The following NUP188 variants were observed in gnomAD, a reference collection of about 807,000 sequenced individuals.
NUP188 encodes nucleoporin 188.
In NUP188, 97 loss-of-function variants were observed where a neutral mutation model predicts 223.0. The observed-to-expected ratio is 0.43, with a 90% CI of 0.37 to 0.51. The LOEUF (loss-of-function observed/expected upper bound fraction) is 0.51, where lower values mean the gene tolerates loss of function less well. Among genes scored for constraint, NUP188 ranks in the 20% least tolerant of loss-of-function variants. The pLI, the probability that NUP188 is intolerant of heterozygous loss-of-function variation, is 0.00. For missense variants in NUP188, 1,947 were observed against 2,175.6 expected (o/e 0.89, Z 2.09); for synonymous variants, 869 against 828.0 (o/e 1.05, Z -0.85).
At chr9:129,001,807 C>T in intron 35 of NUP188, 77 bp from the exon 36 acceptor site, 2 of 1,594,922 alleles carry the variant, frequency 1.3e-6, no homozygotes, top group Admixed American at 3.3e-5. Context: ...AAGCTGTGAT[C>T]TAGCCTGAGA....
chr9:128,992,119 G>T (rs1431897859), intron 25 of NUP188, among the ~76,000 whole-genome samples: 1 of 151,558 alleles, frequency 6.6e-6, no homozygotes, highest in East Asian at 2.0e-4. Flanking sequence ...CCGTGGTCTC[G>T]ATTTCCTGAC....
chr9:128,990,447 G>T (rs1032667246), intron 25 of NUP188, among the ~76,000 whole-genome samples: 5 of 152,094 alleles, frequency 3.3e-5, no homozygotes, highest in African/African-American at 1.2e-4. Context: ...AGGAGAAAAG[G>T]CTGCGTGCGG....
At chr9:128,989,375 T>G (rs1842382828) in intron 24 of NUP188, among the ~76,000 whole-genome samples, 1 of 151,772 alleles carries the variant, frequency 6.6e-6, no homozygotes, top group South Asian at 2.1e-4. Context: ...GCACTCCAGC[T>G]TGGACAACAT....
At chr9:128,961,516 T>C (rs1564551866) in intron 8 of NUP188, among the ~76,000 whole-genome samples, 1 of 148,042 alleles carries the variant, frequency 6.8e-6, no homozygotes, top group South Asian at 2.3e-4. Context: ...GTCTCAAAAA[T>C]AAATAAATAA....
At position 128,970,750 on chromosome 9, in the gene NUP188, C is replaced by G. The variant is rs1322635895; in HGVS notation, c.913-8C>G. On this transcript the variant is annotated splice_polypyrimidine_tract_variant and splice_region_variant and intron_variant, in intron 10 of 43. Transcript: ENST00000372577. ...CGGAGATGTAGATGTGTTTTCTTCT[C>G]TCACTAGGATATGGACTGTTTAATG... is the stretch of plus-strand genomic sequence containing the variant. The G allele has an allele frequency of 6.2e-7, 1 of 1,613,254 alleles. No individual in the cohort carries two copies. The highest frequency in any genetic ancestry group is 2.2e-5 in the East Asian group (1 of 44,874).
At position 128,988,162 on chromosome 9, in the gene NUP188, CT is replaced by C. The variant is rs759981282; in HGVS notation, c.2510del (p.Leu837ArgfsTer19). ...ACCTCCTTCTAATGTGGTGTCCCCCCTGGAACAGGCTCTCTCACAACATGGT... is the reference window on the plus strand; with the variant it reads ...ACCTCCTTCTAATGTGGTGTCCCCCCGGAACAGGCTCTCTCACAACATGGT... Reference protein sequence around the residue: ...LKPPSNVVSPLEQALSQHGAH... With the variant: ...LKPPSNVVSPXEQALSQHGAH... On this transcript the variant is annotated frameshift_variant, in exon 24 of 44. Transcript: ENST00000372577. LOFTEE classifies it high-confidence loss of function. 1.9e-6 allele frequency: 3 copies of C among 1,614,060 alleles called. No homozygotes were observed. Among genetic ancestry groups the C allele is most frequent in the East Asian group, 2.2e-5 (1 of 44,886 alleles).
chr9:128,979,337 T>A lies in NUP188; in HGVS notation c.1269+10T>A. ...ACTGTTCTGGGGAACAGTAAGTATG[T>A]CAGAGAGAGTCACTGCATAGCAAAA... On this transcript the variant is annotated intron_variant, in intron 13 of 43. Coordinates refer to ENST00000372577, the MANE Select transcript of NUP188 (RefSeq NM_015354.3). 6.3e-7 allele frequency: 1 copy of A among 1,596,974 alleles called. No homozygotes were observed. Among genetic ancestry groups the A allele is most frequent in the Non-Finnish European group, 8.6e-7 (1 of 1,165,358 alleles).
intron 3 of NUP188, among the ~76,000 whole-genome samples, chr9:128,954,501 C>T (rs1264410932): frequency 1.3e-5 from 2 of 151,318 alleles, no homozygotes; most frequent in Admixed American, 6.6e-5. Flanking sequence ...TCTCCTGCCT[C>T]AGCCTCCCGA....
At chr9:128,983,690 G>A in intron 19 of NUP188, 140 bp downstream of exon 19, 1 of 670,994 alleles carries the variant, frequency 1.5e-6, no homozygotes, top group East Asian at 2.7e-5. Context: ...CTGTTGCCCA[G>A]GCTGGAGTGC....
chr9:128,999,352 G>T (rs10123425), intron 33 of NUP188, 35 bp downstream of exon 33: 1 of 1,608,408 alleles, frequency 6.2e-7, no homozygotes, highest in Admixed American at 1.7e-5. Flanking sequence ...AGCAGCTGCA[G>T]TCTGCCCACT....
chr9:128,965,169 T>G (rs182131873), intron 8 of NUP188, among the ~76,000 whole-genome samples: 1 of 152,240 alleles, frequency 6.6e-6, no homozygotes, highest in Non-Finnish European at 1.5e-5. Flanking sequence ...TTGATTAAAA[T>G]TTTTTTATCT....
rs1172290597 is a variant in NUP188, at chr9:129,006,740, G to A, written c.*62G>A. 1.0e-5 allele frequency: 16 copies of A among 1,527,732 alleles called. No homozygotes were observed. The Admixed American group carries it at 3.2e-4, about 31-fold the overall frequency. 94.6% of individuals were successfully genotyped at this position (1,527,732 alleles called of 1,614,324 possible). On this transcript the variant is annotated 3_prime_UTR_variant, in exon 44 of 44. Transcript: ENST00000372577. ...GCCTACACTGCACCCTGGCTGGCAG[G>A]GGTGCTGCTGGCTGCTAGGGCCTAT...
chr9:128,962,083 G>A (rs1470242004), intron 8 of NUP188, among the ~76,000 whole-genome samples: 1 of 150,662 alleles, frequency 6.6e-6, no homozygotes, highest in African/African-American at 2.4e-5. Flanking sequence ...TTAAAGGCAT[G>A]CGCCACCACA....
At chr9:128,993,827 G>T in intron 27 of NUP188, 133 bp downstream of exon 27, 3 of 724,574 alleles carry the variant, frequency 4.1e-6, no homozygotes, top group Non-Finnish European at 4.5e-6. Context: ...ATACCTGGGA[G>T]TTTTACACTA....
intron 25 of NUP188, among the ~76,000 whole-genome samples, chr9:128,991,830 CAA>C (rs1374915905): frequency 5.7e-4 from 35 of 61,462 alleles, no homozygotes; most frequent in Admixed American, 7.1e-4. Flanking sequence ...GCGACAGAGT[CAA>C]AAAAAAAAAA....
Position 128,999,154 on chromosome 9 carries a change from A to C in NUP188, c.3516-18A>C, listed in dbSNP as rs1300136843. The C allele has an allele frequency of 6.2e-7, 1 of 1,612,532 alleles. No individual in the cohort carries two copies. Among genetic ancestry groups the C allele is most frequent in the Non-Finnish European group, 8.5e-7 (1 of 1,178,980 alleles). On this transcript the variant is annotated intron_variant, in intron 32 of 43. Coordinates refer to ENST00000372577, the MANE Select transcript of NUP188 (RefSeq NM_015354.3). ...AGGCATGAGCCACCACGCCTGGCCC[A>C]CCCAGTATTCTTTCTAGAGAGTTAG...
chr9:129,004,968 G>A, intron 38 of NUP188, 179 bp from the exon 39 acceptor site: 2 of 610,044 alleles, frequency 3.3e-6, no homozygotes, highest in Non-Finnish European at 5.9e-6. Context: ...GGGAAGGAGG[G>A]AGAGAAGGGG....
intron 12 of NUP188, among the ~76,000 whole-genome samples, chr9:128,978,501 T>TGCA (rs1040472124): frequency 7.8e-4 from 109 of 138,968 alleles, no homozygotes; most frequent in African/African-American, 2.9e-3. Flanking sequence ...AGGCGGAGCT[T>TGCA]GCAGTGAGCC....
rs1366282816 is a variant in NUP188 at position 129,001,845 on chromosome 9, G to C, written c.4045-39G>C. ...CCTACCTACCCTAGGCAGGGCAGGGGCAGGCTCCATCTCATTTCCTGTCTT... is the reference window on the plus strand; with the variant it reads ...CCTACCTACCCTAGGCAGGGCAGGGCCAGGCTCCATCTCATTTCCTGTCTT... On this transcript the variant is annotated intron_variant, in intron 35 of 43. Transcript: ENST00000372577. 3 of 1,598,204 alleles carry C rather than the reference G, an allele frequency of 1.9e-6. No individual in the cohort carries two copies. The African/African-American group carries it at 4.0e-5, about 21-fold the overall frequency.
Sources: allele counts gnomAD v4.1 joint callset (sites outside exome capture counted in the v4.1 genomes callset), GRCh38; gene constraint gnomAD v4.1.1; transcripts MANE v1.5; gene names NCBI Gene and HGNC (gene_info 2026-07-23, HGNC 2026-07-21).